SRBD1: variants seen among roughly 807,000 people sequenced by gnomAD.
SRBD1 encodes S1 RNA binding domain 1.
A neutral mutation model predicts 115.3 loss-of-function variants in SRBD1; 88 were observed. That is an observed-to-expected ratio of 0.76 (90% CI 0.64 to 0.91). The LOEUF (loss-of-function observed/expected upper bound fraction) is 0.91. Among genes scored for constraint, SRBD1 ranks in the 40% least tolerant of loss-of-function variants. The pLI is 0.00. For missense variants in SRBD1, 1,385 were observed against 1,177.4 expected (o/e 1.18, Z -2.58); for synonymous variants, 509 against 407.7 (o/e 1.25, Z -2.99).
At chr2:45,436,855 G>A (rs576184680) in intron 16 of SRBD1, among the ~76,000 whole-genome samples, 11 of 152,230 alleles carry the variant, frequency 7.2e-5, no homozygotes, top group East Asian at 5.8e-4. Flanking sequence ...TAATATGATC[G>A]TCTATGTAGA....
intron 16 of SRBD1, among the ~76,000 whole-genome samples, chr2:45,473,864 A>T (rs1417059464): frequency 6.6e-6 from 1 of 152,174 alleles, no homozygotes; most frequent in Non-Finnish European, 1.5e-5. Flanking sequence ...AAAATTTCCT[A>T]TTACTTCTGT....
At chr2:45,524,133 A>G (rs1671370019) in intron 14 of SRBD1, among the ~76,000 whole-genome samples, 2 of 152,054 alleles carry the variant, frequency 1.3e-5, no homozygotes, top group African/African-American at 4.8e-5. Context: ...TCAACAAACT[A>G]GAATTAGAAG....
intron 14 of SRBD1, among the ~76,000 whole-genome samples, chr2:45,523,462 A>C (rs1354148488): frequency 6.6e-6 from 1 of 151,880 alleles, no homozygotes; most frequent in Admixed American, 6.6e-5. Context: ...AGACTGACCA[A>C]GAAAAAGAAA....
intron 15 of SRBD1, among the ~76,000 whole-genome samples, chr2:45,484,936 G>A (rs999015098): frequency 4.6e-5 from 7 of 152,010 alleles, no homozygotes; most frequent in Non-Finnish European, 1.0e-4. Flanking sequence ...TTCTTTTTAC[G>A]GCTGAATGAT....
At chr2:45,396,431 T>G (rs1667147800) in intron 19 of SRBD1, among the ~76,000 whole-genome samples, 1 of 152,196 alleles carries the variant, frequency 6.6e-6, no homozygotes, top group Non-Finnish European at 1.5e-5. Context: ...TCTCATTTTC[T>G]CCACTGTTTT....
chr2:45,533,024 T>C (rs1476917314), intron 14 of SRBD1, among the ~76,000 whole-genome samples: 1 of 152,022 alleles, frequency 6.6e-6, no homozygotes, highest in East Asian at 1.9e-4. Flanking sequence ...AAAACCTAGA[T>C]ATTCCCTCAA....
chr2:45,419,573 C>G (rs1667934850), intron 17 of SRBD1, among the ~76,000 whole-genome samples: 1 of 152,206 alleles, frequency 6.6e-6, no homozygotes, highest in African/African-American at 2.4e-5. Context: ...ATGCTCTTCA[C>G]TTTAGACCTG....
At chr2:45,483,611 ACT>A (rs1670030030) in intron 15 of SRBD1, among the ~76,000 whole-genome samples, 1 of 152,072 alleles carries the variant, frequency 6.6e-6, no homozygotes, top group Non-Finnish European at 1.5e-5. Context: ...ACTGAACTGT[ACT>A]CTCTTTAAAA....
At chr2:45,460,452 G>A (rs72880661) in intron 16 of SRBD1, among the ~76,000 whole-genome samples, 4 of 152,266 alleles carry the variant, frequency 2.6e-5, no homozygotes, top group African/African-American at 9.6e-5. Flanking sequence ...AAGGTTGGAA[G>A]GGAGTCGAGG....
chr2:45,465,175 G>A (rs2103785562), intron 16 of SRBD1, among the ~76,000 whole-genome samples: 1 of 152,092 alleles, frequency 6.6e-6, no homozygotes, highest in East Asian at 1.9e-4. Context: ...ACAACCTCCT[G>A]TGTACTTTAA....
At chr2:45,586,660 C>T (rs1673532733) in intron 4 of SRBD1, among the ~76,000 whole-genome samples, 1 of 151,726 alleles carries the variant, frequency 6.6e-6, no homozygotes, top group Non-Finnish European at 1.5e-5. Context: ...ATCCTCCAGC[C>T]TCAGCCTCCA....
At chr2:45,431,333 C>T (rs1026258482) in intron 16 of SRBD1, among the ~76,000 whole-genome samples, 7 of 152,166 alleles carry the variant, frequency 4.6e-5, no homozygotes, top group African/African-American at 1.7e-4. Flanking sequence ...AAGACACATG[C>T]ACACGTATGT....
At chr2:45,466,005 T>A (rs1369576618) in intron 16 of SRBD1, among the ~76,000 whole-genome samples, 1 of 152,146 alleles carries the variant, frequency 6.6e-6, no homozygotes, top group East Asian at 1.9e-4. Flanking sequence ...CATTCAGAAA[T>A]ACTGAATATC....
chr2:45,398,060 A>G (rs1017194738), intron 19 of SRBD1, among the ~76,000 whole-genome samples: 5 of 152,228 alleles, frequency 3.3e-5, no homozygotes, highest in African/African-American at 1.2e-4. Context: ...AAGCTAACAG[A>G]TATCTAGTGA....
intron 14 of SRBD1, among the ~76,000 whole-genome samples, chr2:45,525,770 A>G (rs1186912222): frequency 6.6e-6 from 1 of 152,016 alleles, no homozygotes; most frequent in African/African-American, 2.4e-5. Context: ...TAAACATACT[A>G]TCATGTGTTT....
chr2:45,469,008 T>A (rs1669572954), intron 16 of SRBD1, among the ~76,000 whole-genome samples: 1 of 152,204 alleles, frequency 6.6e-6, no homozygotes. Flanking sequence ...CTTTTGTATC[T>A]CCTCTTCTGT....
At chr2:45,430,274 CA>C (rs555722864) in intron 16 of SRBD1, among the ~76,000 whole-genome samples, 89 of 152,072 alleles carry the variant, frequency 5.9e-4, no homozygotes, top group Middle Eastern at 3.4e-3. Flanking sequence ...ACTTTCTTCA[CA>C]AAATTAGAAA....
intron 15 of SRBD1, among the ~76,000 whole-genome samples, chr2:45,481,685 A>C (rs922398517): frequency 8.0e-6 from 1 of 124,490 alleles, no homozygotes; most frequent in Non-Finnish European, 1.7e-5. Context: ...TAGCAGCCTT[A>C]TTCATAGTAG....
chr2:45,441,035 T>C (rs1668654685), intron 16 of SRBD1, among the ~76,000 whole-genome samples: 4 of 152,212 alleles, frequency 2.6e-5, no homozygotes, highest in Admixed American at 2.6e-4. Context: ...CATTTTCTCT[T>C]CCCAAATACA....
Sources: gnomAD v4.1 joint callset for allele counts (sites outside exome capture counted in the v4.1 genomes callset) on GRCh38, gnomAD v4.1.1 for gene constraint, MANE v1.5 for transcripts, NCBI Gene and HGNC (gene_info 2026-07-23, HGNC 2026-07-21) for gene names.